The following AFG2B variants were observed in gnomAD, a reference collection of about 807,000 sequenced individuals.
AFG2B encodes AAA ATPase AFG2B.
At chr15:45,411,424 T>G in the AFG2B span, among the ~76,000 whole-genome samples, 1 of 152,214 alleles carries the variant, frequency 6.6e-6, no homozygotes, top group South Asian at 2.1e-4. Flanking sequence ...AAGCAGTCCT[T>G]CTGCCTCAGT....
At chr15:45,409,190 A>T in the AFG2B span, among the ~76,000 whole-genome samples, 1 of 152,086 alleles carries the variant, frequency 6.6e-6, no homozygotes, top group African/African-American at 2.4e-5. Flanking sequence ...AGCCTGGCCA[A>T]CATGGGGAAA....
chr15:45,409,163 G>A, the AFG2B span, among the ~76,000 whole-genome samples: 1 of 151,562 alleles, frequency 6.6e-6, no homozygotes, highest in African/African-American at 2.4e-5. Flanking sequence ...GTCAGTTGAG[G>A]TCAGGAGTTC....
At chr15:45,414,723 G>A in the AFG2B span, 1 of 1,614,166 alleles carries the variant, frequency 6.2e-7, no homozygotes, top group Non-Finnish European at 8.5e-7. Context: ...TCGTTTCAGT[G>A]AGTGGAGCTG....
At chr15:45,416,044 G>A in the AFG2B span, 2 of 298,850 alleles carry the variant, frequency 6.7e-6, no homozygotes, top group Admixed American at 9.5e-5. Flanking sequence ...TCCTAAGAAT[G>A]AGAAATATAA....
At chr15:45,413,532 A>G in the AFG2B span, among the ~76,000 whole-genome samples, 1 of 152,158 alleles carries the variant, frequency 6.6e-6, no homozygotes, top group Non-Finnish European at 1.5e-5. Flanking sequence ...TGTAAAGTAC[A>G]ATTCTGTTTT....
At chr15:45,417,248 G>A in the AFG2B span, 2 of 1,611,104 alleles carry the variant, frequency 1.2e-6, no homozygotes, top group Admixed American at 1.7e-5. Flanking sequence ...ACATTACTTT[G>A]TGTTGTGTGT....
chr15:45,409,200 A>AC, the AFG2B span, among the ~76,000 whole-genome samples: 1 of 151,806 alleles, frequency 6.6e-6, no homozygotes, highest in South Asian at 2.1e-4. Context: ...ACATGGGGAA[A>AC]CCCCGTCTCT....
At chr15:45,403,366 G>A in the AFG2B span, 10 of 1,610,402 alleles carry the variant, frequency 6.2e-6, no homozygotes, top group East Asian at 2.2e-5. Context: ...TCCCCAGCGG[G>A]GCAGTCGAGC....
the AFG2B span, chr15:45,420,953 C>G: frequency 2.9e-6 from 4 of 1,364,660 alleles, no homozygotes; most frequent in South Asian, 1.3e-5. Context: ...GATCGTGCCA[C>G]TGCACTCCAG....
At chr15:45,404,905 A>T in the AFG2B span, among the ~76,000 whole-genome samples, 3 of 150,930 alleles carry the variant, frequency 2.0e-5, no homozygotes, top group Non-Finnish European at 3.0e-5. Context: ...ATCTATTTTT[A>T]TTGATACATA....
the AFG2B span, chr15:45,402,384 G>A: frequency 6.4e-7 from 1 of 1,555,238 alleles, no homozygotes; most frequent in Non-Finnish European, 8.7e-7. Context: ...TGTGGGCCGG[G>A]TGGGTTTCCT....
the AFG2B span, chr15:45,415,593 C>T: frequency 6.8e-6 from 11 of 1,612,574 alleles, no homozygotes; most frequent in East Asian, 4.5e-5. Context: ...AAAGATATTT[C>T]GACAAGCAAG....
chr15:45,420,917 A>G, the AFG2B span: 3 of 902,602 alleles, frequency 3.3e-6, no homozygotes, highest in Non-Finnish European at 4.8e-6. Context: ...GCTTGAAACC[A>G]GAAGACGGAG....
the AFG2B span, chr15:45,405,253 A>G: frequency 2.1e-6 from 3 of 1,444,570 alleles, no homozygotes; most frequent in Non-Finnish European, 1.9e-6. Flanking sequence ...CATGAGATCA[A>G]CTTTAAAAAT....
chr15:45,404,159 ACT>A, the AFG2B span, among the ~76,000 whole-genome samples: 1 of 152,158 alleles, frequency 6.6e-6, no homozygotes, highest in Non-Finnish European at 1.5e-5. Flanking sequence ...AAATTTAGTG[ACT>A]GATATTTCTA....
chr15:45,406,893 A>G, the AFG2B span: 1 of 593,146 alleles, frequency 1.7e-6, no homozygotes, highest in Non-Finnish European at 2.8e-6. Flanking sequence ...TTCATCTTGT[A>G]GGTTTAGACC....
chr15:45,403,313 G>A, the AFG2B span: 1 of 1,595,168 alleles, frequency 6.3e-7, no homozygotes, highest in East Asian at 2.3e-5. Context: ...CTGGCCAGCC[G>A]CGGACCCAGC....
the AFG2B span, chr15:45,415,511 A>AC: frequency 2.3e-6 from 3 of 1,329,432 alleles, no homozygotes; most frequent in Non-Finnish European, 3.1e-6. Context: ...AAAAAAAAAA[A>AC]ACAGGATTAT....
At chr15:45,410,741 CTT>C in the AFG2B span, among the ~76,000 whole-genome samples, 1 of 152,242 alleles carries the variant, frequency 6.6e-6, no homozygotes, top group East Asian at 1.9e-4. Flanking sequence ...TCGACCCTCT[CTT>C]TGTTTTTGCT....
Sources: allele counts gnomAD v4.1 joint callset (sites outside exome capture counted in the v4.1 genomes callset), GRCh38; gene constraint gnomAD v4.1.1; transcripts MANE v1.5; gene names NCBI Gene and HGNC (gene_info 2026-07-23, HGNC 2026-07-21).